EMC3: variants seen among roughly 807,000 people sequenced by gnomAD.
EMC3 encodes 30 kDa protein.
Under a neutral mutation model 36.6 loss-of-function variants are expected in EMC3, and 13 were observed. The observed-to-expected ratio is 0.35, with a 90% CI of 0.23 to 0.56. EMC3 has a LOEUF of 0.56. EMC3 is among the 20% of genes least tolerant of loss of function. EMC3 has a pLI of 0.84. For missense variants in EMC3, 220 were observed against 324.5 expected, an observed-to-expected ratio of 0.68 and a Z score of 2.47; for synonymous variants, 120 against 111.9, an observed-to-expected ratio of 1.07 and a Z score of -0.46.
chr3:9,964,172 G>C lies in EMC3; in HGVS notation c.683C>G (p.Thr228Arg). The C allele has an allele frequency of 1.9e-6, 3 of 1,614,092 alleles. No individual in the cohort carries two copies. The highest frequency in any genetic ancestry group is 2.5e-6 in the Non-Finnish European group (3 of 1,180,022). The change falls in exon 8 of 8, where the codon ACG becomes AGG. Residue 228 changes from threonine (T) to arginine (R), a missense_variant. Physicochemically the swap from Thr to Arg is moderately conservative, Grantham distance 71. Coordinates refer to ENST00000245046, the MANE Select transcript of EMC3 (RefSeq NM_001394674.1). ...ATCATCTAGTGCCCACTGGTGATCC[G>C]TCAGCTCCAAAGCTTCCCACTCTGT... The part of the protein sequence containing the change: ...FKTEWEALEL[T>R]DHQWALDDVE...
At chr3:9,970,683 G>A (rs2085775946) in intron 5 of EMC3, 22 bp from the exon 6 acceptor site, 2 of 1,612,264 alleles carry the variant, frequency 1.2e-6, no homozygotes, top group Non-Finnish European at 1.7e-6. Flanking sequence ...AAATGAAAAT[G>A]GTGTGGTTAG....
chr3:10,009,187 C>G (rs1210876846), intron 1 of EMC3: 1 of 152,452 alleles, frequency 6.6e-6, no homozygotes, highest in East Asian at 1.9e-4. Context: ...GCCACGCCCC[C>G]CGCTGCGTCA....
At chr3:9,975,895 A>G (rs546825351) in intron 3 of EMC3, among the ~76,000 whole-genome samples, 2 of 151,628 alleles carry the variant, frequency 1.3e-5, no homozygotes, top group Non-Finnish European at 2.9e-5. Flanking sequence ...AACTTTTCAT[A>G]TATTTAATGG....
intron 3 of EMC3, among the ~76,000 whole-genome samples, chr3:9,976,145 C>T (rs1036746152): frequency 2.0e-5 from 3 of 152,052 alleles, no homozygotes; most frequent in Admixed American, 6.6e-5. Flanking sequence ...CTTGCTCTGT[C>T]GCCCAGGCTG....
chr3:9,975,186 T>C (rs1469023580), intron 3 of EMC3, among the ~76,000 whole-genome samples: 1 of 152,190 alleles, frequency 6.6e-6, no homozygotes, highest in Non-Finnish European at 1.5e-5. Flanking sequence ...AATGTCTGCA[T>C]AGGATTCCAT....
intron 7 of EMC3, among the ~76,000 whole-genome samples, chr3:9,967,030 T>C (rs2085742129): frequency 6.6e-6 from 1 of 152,158 alleles, no homozygotes; most frequent in Admixed American, 6.6e-5. Flanking sequence ...AAACAGAAAA[T>C]GTGCACAGTA....
At chr3:9,990,057 G>T, upstream of EMC3, among the ~76,000 whole-genome samples, 1 of 144,862 alleles carries the variant, frequency 6.9e-6, no homozygotes, top group Admixed American at 7.2e-5. Flanking sequence ...GTCTTGCTCT[G>T]TCACCCAGGC....
At chr3:9,991,124 G>T (rs1310948737), upstream of EMC3, among the ~76,000 whole-genome samples, 1 of 151,962 alleles carries the variant, frequency 6.6e-6, no homozygotes, top group Non-Finnish European at 1.5e-5. Context: ...CACCGCGCCC[G>T]GCCATTCTTT....
intron 1 of EMC3, among the ~76,000 whole-genome samples, chr3:10,001,974 G>C (rs1298568012): frequency 6.6e-6 from 1 of 152,166 alleles, no homozygotes; most frequent in East Asian, 1.9e-4. Context: ...ACTCCAGCCT[G>C]GGTGACAGAG....
intron 1 of EMC3, among the ~76,000 whole-genome samples, chr3:10,006,028 T>C (rs1238990038): frequency 6.6e-6 from 1 of 152,230 alleles, no homozygotes; most frequent in Non-Finnish European, 1.5e-5. Flanking sequence ...TTCTTGCCAG[T>C]ACACCTGCCA....
chr3:9,963,452 TAG>T lies in EMC3; in HGVS notation c.*615_*616del, dbSNP rs201699342. On this transcript the variant is annotated 3_prime_UTR_variant, in exon 8 of 8. Coordinates refer to ENST00000245046, the MANE Select transcript of EMC3 (RefSeq NM_001394674.1). ...TTCGAAGACTGGGCTTCTGCTAAGA[TAG>T]ATATATATATATATATATATATATT... 39 of 80,978 alleles carry T rather than the reference TAG, an allele frequency of 4.8e-4. 1 individual carries two copies. The highest frequency in any genetic ancestry group is 2.8e-3 in the African/African-American group (38 of 13,706). The allele number at this position is 80,978 out of a possible 1,614,324, so 5.0% of individuals were successfully genotyped here.
At chr3:9,976,755 C>T (rs561496843) in intron 3 of EMC3, among the ~76,000 whole-genome samples, 3 of 152,168 alleles carry the variant, frequency 2.0e-5, no homozygotes, top group Non-Finnish European at 2.9e-5. Context: ...CCACTTTATA[C>T]ATTGGGGTTC....
At chr3:9,973,432 C>T (rs1259387119) in intron 5 of EMC3, 196 bp downstream of exon 5, 2 of 562,138 alleles carry the variant, frequency 3.6e-6, no homozygotes, top group Non-Finnish European at 6.4e-6. Flanking sequence ...CTGATCTCAT[C>T]ATCTGCCCAC....
In EMC3 at chr3:9,977,038, G is replaced by T. The variant is rs771942557; in HGVS notation, c.226C>A (p.Arg76=). ...TCTGGGTTGTTGAAATAATATTTTC[G>T]TGTCAAGAAAGACTAGTAAAAAAAA... ...KYIPKQSFLT[R]KYYFNNPEDG... Residue 76 remains arginine (R), a synonymous_variant, in exon 3 of 8, where the codon CGA becomes AGA. Transcript: ENST00000245046. The T allele has an allele frequency of 1.9e-6, 3 of 1,597,342 alleles. No individual in the cohort carries two copies. Among genetic ancestry groups the T allele is most frequent in the Admixed American group, 1.8e-5 (1 of 56,372 alleles).
chr3:9,973,485 C>T lies in EMC3; in HGVS notation c.494+143G>A, dbSNP rs550416433. The T allele has an allele frequency of 1.5e-3, 1,011 of 686,148 alleles. 21 individuals carry two copies. In the South Asian group the frequency reaches 0.017, roughly 12 times the overall value. The allele number at this position is 686,148 out of a possible 1,614,324, so 42.5% of individuals were successfully genotyped here. On this transcript the variant is annotated intron_variant, in intron 5 of 7. Coordinates refer to ENST00000245046, the MANE Select transcript of EMC3 (RefSeq NM_001394674.1). ...CTGGGATTACAGTCGTGAGCCACTG[C>T]GCCCGGCCTGTTTTCGTTTTCTTGA...
In EMC3 at chr3:9,963,834, A is replaced by T; in HGVS notation, c.*235T>A. 1 of 477,596 alleles carries T rather than the reference A, an allele frequency of 2.1e-6. No individual in the cohort carries two copies. The highest frequency in any genetic ancestry group is 3.5e-6 in the Non-Finnish European group (1 of 284,892). 29.6% of individuals were successfully genotyped at this position (477,596 alleles called of 1,614,324 possible). On this transcript the variant is annotated 3_prime_UTR_variant, in exon 8 of 8. Transcript: ENST00000245046. The stretch of plus-strand genomic sequence containing the variant: ...CCCCCTTTCTCTGACTTTCATTACT[A>T]GAGTCACCAGAAGGAACATTTACAA...
At position 9,980,956 on chromosome 3, in the gene EMC3, A is replaced by G. The variant is rs78627669; in HGVS notation, c.156-3510T>C. ...TCGCCTGTAATCTCAATACTTTGGG[A>G]GGCTGAGGTGGGAGGATTGCTTGAG... On this transcript the variant is annotated intron_variant, in intron 1 of 7. Transcript: ENST00000245046. Among the ~76,000 whole-genome samples the G allele has an allele frequency of 3.0e-3, 464 of 152,162 alleles. 1 individual carries two copies. Among genetic ancestry groups the G allele is most frequent in the African/African-American group, 0.011 (452 of 41,532 alleles).
chr3:9,975,819 A>G (rs77442974), intron 3 of EMC3, among the ~76,000 whole-genome samples: 1 of 95,298 alleles, frequency 1.0e-5, no homozygotes, highest in African/African-American at 5.3e-5. Flanking sequence ...TCTGAAGAAA[A>G]AAAAAAAAAA....
chr3:9,964,343 C>A, intron 7 of EMC3, 146 bp from the exon 8 acceptor site: 1 of 1,342,150 alleles, frequency 7.5e-7, no homozygotes, highest in Non-Finnish European at 9.8e-7. Context: ...AAGGGAAATG[C>A]TGCTACCCCA....
Sources: allele counts gnomAD v4.1 joint callset (sites outside exome capture counted in the v4.1 genomes callset), GRCh38; gene constraint gnomAD v4.1.1; transcripts MANE v1.5; gene names NCBI Gene and HGNC (gene_info 2026-07-23, HGNC 2026-07-21).